NEK10: variants seen among roughly 807,000 people sequenced by gnomAD.
The protein encoded by NEK10 is NIMA related kinase 10.
A neutral mutation model predicts 159.8 loss-of-function variants in NEK10; 122 were observed. The observed-to-expected ratio is 0.76, with a 90% confidence interval of 0.66 to 0.89. NEK10 has a LOEUF of 0.89. NEK10 is among the 40% of genes least tolerant of loss of function. The pLI is 0.00. For missense variants in NEK10, 1,342 were observed against 1,323.1 expected (o/e 1.01, Z -0.22); for synonymous variants, 466 against 457.1 (o/e 1.02, Z -0.25).
At chr3:27,285,482 C>T (rs1227870806) in intron 20 of NEK10, among the ~76,000 whole-genome samples, 1 of 149,804 alleles carries the variant, frequency 6.7e-6, no homozygotes, top group Non-Finnish European at 1.5e-5. Context: ...TTGAAAATAA[C>T]ACACATGATA....
At chr3:27,361,649 T>G (rs1370002294) in intron 1 of NEK10, among the ~76,000 whole-genome samples, 1 of 152,098 alleles carries the variant, frequency 6.6e-6, no homozygotes, top group Non-Finnish European at 1.5e-5. Context: ...TGTCTTCCAA[T>G]AAAATAGTTA....
chr3:27,160,180 G>T (rs1945888166), intron 30 of NEK10, among the ~76,000 whole-genome samples: 1 of 152,034 alleles, frequency 6.6e-6, no homozygotes, highest in Admixed American at 6.5e-5. Context: ...AAATGCTTAA[G>T]GTATAACTCG....
intron 23 of NEK10, among the ~76,000 whole-genome samples, chr3:27,228,056 T>C (rs542775145): frequency 6.6e-6 from 1 of 152,346 alleles, no homozygotes; most frequent in South Asian, 2.1e-4. Context: ...ACATTTTCCT[T>C]GATAAAATGA....
Position 27,166,270 on chromosome 3 carries a change from T to G in NEK10, c.2832-3532A>C, listed in dbSNP as rs373888943. Among the ~76,000 whole-genome samples, 4 of 152,308 alleles carry G rather than the reference T, an allele frequency of 2.6e-5. No homozygotes were observed. In the East Asian group the frequency reaches 7.7e-4, roughly 29 times the overall value. ...TCATGACAACAAAGTAGTATAATGC[T>G]CCTGTGGCTATCCCCTCCTACTCCA... is the stretch of plus-strand genomic sequence containing the variant. On this transcript the variant is annotated intron_variant, in intron 29 of 35. Transcript: ENST00000691995.
In NEK10 at chr3:27,109,305, G is replaced by T. The variant is rs1312936327; in HGVS notation, c.*1967C>A. On this transcript the variant is annotated 3_prime_UTR_variant, in exon 36 of 36. Coordinates refer to ENST00000691995, the MANE Select transcript of NEK10 (RefSeq NM_001394966.1). ...GAGGCAGGAGAATTGCTTGAACCTG[G>T]GTGGCGGAGGTTGCAGTAAGTTAAG... is the stretch of plus-strand genomic sequence containing the variant. Among the ~76,000 whole-genome samples, 1 of 151,662 alleles carries T rather than the reference G, an allele frequency of 6.6e-6. No individual in the cohort carries two copies. Among genetic ancestry groups the T allele is most frequent in the Non-Finnish European group, 1.5e-5 (1 of 67,964 alleles).
chr3:27,244,278 C>A (rs1423707041), intron 23 of NEK10, among the ~76,000 whole-genome samples: 1 of 152,162 alleles, frequency 6.6e-6, no homozygotes, highest in Admixed American at 6.5e-5. Flanking sequence ...AATAAAACAC[C>A]TATTTTACAG....
At chr3:27,172,808 A>AAT (rs1291798170) in intron 28 of NEK10, among the ~76,000 whole-genome samples, 3 of 152,150 alleles carry the variant, frequency 2.0e-5, no homozygotes, top group Non-Finnish European at 2.9e-5. Flanking sequence ...AATAATAAAG[A>AAT]ATATATATAT....
At chr3:27,155,508 TAAATAAAATAAAATAAAATAAAATA>T (rs60254232) in intron 30 of NEK10, among the ~76,000 whole-genome samples, 7 of 134,302 alleles carry the variant, frequency 5.2e-5, no homozygotes, top group African/African-American at 8.3e-5. Flanking sequence ...CTCAAAAAAA[TAAATAAAATAAAATAAAATAAAATA>T]AAATAAAATA....
chr3:27,126,231 G>A (rs1232722371), intron 32 of NEK10, among the ~76,000 whole-genome samples: 2 of 152,160 alleles, frequency 1.3e-5, no homozygotes, highest in Non-Finnish European at 1.5e-5. Context: ...GATCTGCATT[G>A]AAACAGAGAT....
intron 30 of NEK10, among the ~76,000 whole-genome samples, chr3:27,144,739 T>G (rs1944130846): frequency 6.6e-6 from 1 of 152,148 alleles, no homozygotes; most frequent in African/African-American, 2.4e-5. Flanking sequence ...ATTAAAAAAT[T>G]GAAACAGGGT....
chr3:27,329,995 A>G (rs1018043600), intron 5 of NEK10, among the ~76,000 whole-genome samples: 9 of 152,188 alleles, frequency 5.9e-5, no homozygotes, highest in African/African-American at 2.2e-4. Flanking sequence ...ACTATAAATC[A>G]TCTTAGATTA....
intron 25 of NEK10, among the ~76,000 whole-genome samples, chr3:27,197,931 G>C (rs370923977): frequency 2.0e-5 from 3 of 151,872 alleles, no homozygotes; most frequent in Non-Finnish European, 4.4e-5. Flanking sequence ...GTATTGTCTT[G>C]TGCTGATTTT....
intron 33 of NEK10, among the ~76,000 whole-genome samples, chr3:27,117,069 C>T (rs1305044576): frequency 6.6e-6 from 1 of 152,070 alleles, no homozygotes; most frequent in Non-Finnish European, 1.5e-5. Context: ...TAAATGAGGA[C>T]ATTTGTTGTT....
At chr3:27,328,134 ATT>A (rs2046142589) in intron 5 of NEK10, among the ~76,000 whole-genome samples, 1 of 152,204 alleles carries the variant, frequency 6.6e-6, no homozygotes, top group South Asian at 2.1e-4. Context: ...ATATAAATGC[ATT>A]CTTAGAGGTA....
Position 27,209,758 on chromosome 3 carries a change from T to C in NEK10, c.2091-7201A>G, listed in dbSNP as rs142822170. The stretch of plus-strand genomic sequence containing the variant: ...TCACCTAGCTCCTGTGGATTGTGTT[T>C]AGGGACATGCATGTGAACAAAACCA... On this transcript the variant is annotated intron_variant, in intron 23 of 35. Coordinates refer to ENST00000691995, the MANE Select transcript of NEK10 (RefSeq NM_001394966.1). Among the ~76,000 whole-genome samples the C allele has an allele frequency of 2.6e-5, 4 of 152,308 alleles. No homozygotes were observed. In the East Asian group the frequency reaches 7.7e-4, roughly 29 times the overall value.
At chr3:27,328,735 A>G (rs2046193149) in intron 5 of NEK10, among the ~76,000 whole-genome samples, 1 of 152,170 alleles carries the variant, frequency 6.6e-6, no homozygotes, top group Non-Finnish European at 1.5e-5. Context: ...TTCTAAATTC[A>G]ACGTTGAGAA....
intron 3 of NEK10, among the ~76,000 whole-genome samples, chr3:27,347,307 G>C (rs1421251777): frequency 6.6e-6 from 1 of 151,868 alleles, no homozygotes; most frequent in African/African-American, 2.4e-5. Context: ...CTGAGTTCGG[G>C]AGCCTGACCA....
intron 25 of NEK10, among the ~76,000 whole-genome samples, chr3:27,199,928 A>C (rs1949904311): frequency 6.6e-6 from 1 of 152,126 alleles, no homozygotes; most frequent in Admixed American, 6.5e-5. Context: ...TGGATCCATA[A>C]AGGGGAACAG....
intron 18 of NEK10, 64 bp downstream of exon 18, chr3:27,291,198 G>A: frequency 1.4e-6 from 2 of 1,437,108 alleles, no homozygotes; most frequent in Non-Finnish European, 1.9e-6. Flanking sequence ...TTGAATATCG[G>A]TGTGCAAGTG....
Sources: gnomAD v4.1 joint callset for allele counts (sites outside exome capture counted in the v4.1 genomes callset) on GRCh38, gnomAD v4.1.1 for gene constraint, MANE v1.5 for transcripts, NCBI Gene and HGNC (gene_info 2026-07-23, HGNC 2026-07-21) for gene names.